The following GABRB2 variants were observed in gnomAD, a reference collection of about 807,000 sequenced individuals.
GABRB2 encodes the protein gamma-aminobutyric acid type A receptor subunit beta2.
A neutral mutation model predicts 54.7 loss-of-function variants in GABRB2; 16 were observed. The observed-to-expected ratio is 0.29, with a 90% CI of 0.20 to 0.44. The LOEUF is 0.44. Ranked by LOEUF, GABRB2 falls within the 20% of genes least tolerant of loss-of-function variation. GABRB2 has a pLI of 1.00. For synonymous variants in GABRB2, 244 were observed against 233.8 expected (o/e 1.04, Z -0.40); for missense variants, 355 against 644.0 (o/e 0.55, Z 4.86).
chr5:161,545,032 G>GA (rs1415521468), intron 3 of GABRB2, among the ~76,000 whole-genome samples, 195 bp downstream of exon 3: 1 of 151,842 alleles, frequency 6.6e-6, no homozygotes, highest in Non-Finnish European at 1.5e-5. Flanking sequence ...GAACCAGGTT[G>GA]AAAAAATCCT....
chr5:161,348,215 T>G (rs545490081), intron 5 of GABRB2, among the ~76,000 whole-genome samples: 11 of 152,200 alleles, frequency 7.2e-5, no homozygotes, highest in African/African-American at 2.6e-4. Flanking sequence ...ATAATTACCA[T>G]GTTAGGAATT....
intron 3 of GABRB2, among the ~76,000 whole-genome samples, chr5:161,478,180 T>A (rs558957330): frequency 4.6e-5 from 7 of 152,106 alleles, no homozygotes; most frequent in African/African-American, 1.7e-4. Context: ...TGCAGAGAGA[T>A]CGGTTTGTTC....
At chr5:161,432,614 T>C (rs1757201202) in intron 4 of GABRB2, among the ~76,000 whole-genome samples, 1 of 152,204 alleles carries the variant, frequency 6.6e-6, no homozygotes, top group African/African-American at 2.4e-5. Flanking sequence ...TTAACTTTTA[T>C]TGAAATAAAA....
chr5:161,457,679 CT>C (rs2113257603), intron 4 of GABRB2, among the ~76,000 whole-genome samples: 1 of 152,146 alleles, frequency 6.6e-6, no homozygotes, highest in African/African-American at 2.4e-5. Context: ...ATCTCCTGAC[CT>C]CGTGATCCGC....
intron 9 of GABRB2, among the ~76,000 whole-genome samples, chr5:161,312,865 G>T (rs1336329650): frequency 6.7e-6 from 1 of 149,634 alleles, no homozygotes; most frequent in Non-Finnish European, 1.5e-5. Context: ...TTATGGGGCA[G>T]TGGACGATAA....
chr5:161,460,579 G>T (rs1337866713), intron 3 of GABRB2, among the ~76,000 whole-genome samples: 1 of 152,030 alleles, frequency 6.6e-6, no homozygotes, highest in African/African-American at 2.4e-5. Context: ...AAATAGTTAT[G>T]TATTTGTTTC....
At chr5:161,350,280 A>G (rs950078989) in intron 5 of GABRB2, among the ~76,000 whole-genome samples, 4 of 152,118 alleles carry the variant, frequency 2.6e-5, no homozygotes, top group Non-Finnish European at 5.9e-5. Flanking sequence ...ATGATATGAT[A>G]TATACAGAAA....
At chr5:161,421,609 A>T (rs368395294) in intron 4 of GABRB2, among the ~76,000 whole-genome samples, 24 of 152,126 alleles carry the variant, frequency 1.6e-4, no homozygotes, top group African/African-American at 5.6e-4. Context: ...AATATGTGTG[A>T]GAGCTTGTTA....
At chr5:161,334,639 G>C (rs1352675559) in intron 7 of GABRB2, 113 bp downstream of exon 7, 1 of 1,009,196 alleles carries the variant, frequency 9.9e-7, no homozygotes, top group Non-Finnish European at 1.5e-6. Flanking sequence ...TACAGTGTGA[G>C]AGGTTCAGTT....
chr5:161,496,592 A>C lies in GABRB2; in HGVS notation c.238-36748T>G, dbSNP rs369948344. On this transcript the variant is annotated intron_variant, in intron 3 of 9. Coordinates refer to ENST00000393959, the MANE Select transcript of GABRB2 (RefSeq NM_001371727.1). ...AAGCCTAATCTACAACCTAGAAATA[A>C]CCACTGTTAGTGGCTGTCATATATC... is the stretch of plus-strand genomic sequence containing the variant. Among the ~76,000 whole-genome samples the C allele has an allele frequency of 3.7e-4, 57 of 152,086 alleles. 1 individual carries two copies. In the South Asian group the frequency reaches 6.8e-3, roughly 18 times the overall value.
At chr5:161,361,714 T>C (rs529268784) in intron 5 of GABRB2, among the ~76,000 whole-genome samples, 2 of 152,296 alleles carry the variant, frequency 1.3e-5, no homozygotes, top group East Asian at 1.9e-4. Context: ...AAGCTACATC[T>C]TCCTGTTTCT....
chr5:161,545,234 A>G lies in GABRB2; in HGVS notation c.230T>C (p.Val77Ala), dbSNP rs1220586024. 6.2e-7 allele frequency: 1 copy of G among 1,605,190 alleles called. No individual in the cohort carries two copies. The highest frequency in any genetic ancestry group is 1.3e-5 in the African/African-American group (1 of 74,176). ...DIASIDMVSE[V>A]NMDYTLTMYF... The stretch of plus-strand genomic sequence containing the variant: ...ATAAATGTCAATACTCACCATATTG[A>G]CTTCAGAAACCATATCGATGCTGGC... Residue 77 changes from valine to alanine, a missense_variant, in exon 3 of 10, where the codon GTC (valine) becomes GCC (alanine). By Grantham distance (64) the Val-to-Ala change is moderately conservative (BLOSUM62 0). This residue lies in a region of GABRB2 where 42 missense variants were observed against 99.7 expected (regional missense o/e 0.42). Transcript: ENST00000393959.
intron 3 of GABRB2, among the ~76,000 whole-genome samples, chr5:161,510,738 T>C (rs571870421): frequency 3.6e-4 from 54 of 152,030 alleles, no homozygotes; most frequent in Non-Finnish European, 5.5e-4. Context: ...TAAACAGATA[T>C]TTTTATTTTC....
chr5:161,317,748 T>C (rs1427387866), intron 9 of GABRB2, among the ~76,000 whole-genome samples: 1 of 152,082 alleles, frequency 6.6e-6, no homozygotes, highest in Non-Finnish European at 1.5e-5. Context: ...GTTAATATTT[T>C]ATTATACCTA....
intron 3 of GABRB2, among the ~76,000 whole-genome samples, chr5:161,530,265 C>T (rs1760414412): frequency 6.6e-6 from 1 of 152,108 alleles, no homozygotes; most frequent in South Asian, 2.1e-4. Flanking sequence ...ATATTTCTAA[C>T]ATTTTCCTAA....
At chr5:161,398,199 G>A (rs1756064097) in intron 5 of GABRB2, among the ~76,000 whole-genome samples, 1 of 152,136 alleles carries the variant, frequency 6.6e-6, no homozygotes, top group Non-Finnish European at 1.5e-5. Context: ...TATATTAGGG[G>A]ATTCCTAATT....
intron 5 of GABRB2, among the ~76,000 whole-genome samples, chr5:161,364,985 G>A (rs1754933107): frequency 6.6e-6 from 1 of 151,968 alleles, no homozygotes; most frequent in Non-Finnish European, 1.5e-5. Flanking sequence ...TTTTCCTGTG[G>A]TCCTTAATCA....
chr5:161,373,759 C>T (rs556406476), intron 5 of GABRB2, among the ~76,000 whole-genome samples: 19 of 152,082 alleles, frequency 1.2e-4, no homozygotes, highest in Non-Finnish European at 2.5e-4. Context: ...GCTTTTCCTC[C>T]TTTATGGTCC....
chr5:161,375,908 C>A (rs1036690091), intron 5 of GABRB2, among the ~76,000 whole-genome samples: 1 of 152,142 alleles, frequency 6.6e-6, no homozygotes, highest in Non-Finnish European at 1.5e-5. Context: ...TCTGGCTAAT[C>A]ATTAGAAAAT....
Sources: allele counts gnomAD v4.1 joint callset (sites outside exome capture counted in the v4.1 genomes callset), GRCh38; gene constraint gnomAD v4.1.1; regional missense constraint gnomAD v4.1.1; transcripts MANE v1.5; gene names NCBI Gene and HGNC (gene_info 2026-07-23, HGNC 2026-07-21).